Variants in CCSER1 observed in about 807,000 individuals in gnomAD.
The protein encoded by CCSER1 is coiled-coil serine rich protein 1, also known as serine-rich coiled-coil domain-containing protein 1.
CCSER1 carries 41 observed loss-of-function variants against 82.0 expected under a neutral mutation model. The observed-to-expected ratio is 0.50, with a 90% confidence interval of 0.39 to 0.65. CCSER1 has a LOEUF of 0.65. Ranked by LOEUF, CCSER1 falls within the 30% of genes least tolerant of loss-of-function variation. The pLI, the probability that CCSER1 is intolerant of heterozygous loss-of-function variation, is 0.00. For missense variants in CCSER1, 1,119 were observed against 1,064.2 expected (o/e 1.05, Z -0.72); for synonymous variants, 414 against 383.9 (o/e 1.08, Z -0.92).
At chr4:91,085,859 T>A (rs576892913) in intron 9 of CCSER1, 91 bp from the exon 10 acceptor site, 3 of 767,782 alleles carry the variant, frequency 3.9e-6, no homozygotes, top group African/African-American at 1.8e-5. Context: ...ATAAGTGAAT[T>A]ATTTCCTTTA....
At chr4:91,260,943 T>G (rs893427370) in intron 10 of CCSER1, among the ~76,000 whole-genome samples, 5 of 151,960 alleles carry the variant, frequency 3.3e-5, no homozygotes, top group Admixed American at 6.6e-5. Context: ...TTTTGTATTT[T>G]TAGTAGAGAC....
chr4:91,177,069 G>T (rs1268304110), intron 10 of CCSER1, among the ~76,000 whole-genome samples: 1 of 152,130 alleles, frequency 6.6e-6, no homozygotes, highest in Admixed American at 6.5e-5. Flanking sequence ...TGCATCTATT[G>T]AGATAATCAT....
intron 10 of CCSER1, among the ~76,000 whole-genome samples, chr4:91,287,121 T>G (rs549922678): frequency 3.2e-4 from 49 of 152,024 alleles, no homozygotes; most frequent in African/African-American, 1.2e-3. Flanking sequence ...AAAACATACC[T>G]ACCCTAATTT....
chr4:90,493,826 G>A (rs1768503295), intron 5 of CCSER1, among the ~76,000 whole-genome samples: 1 of 152,182 alleles, frequency 6.6e-6, no homozygotes, highest in African/African-American at 2.4e-5. Context: ...AAATTGTAAA[G>A]ACCATCAAGG....
chr4:90,325,276 A>G (rs907622321), intron 3 of CCSER1, among the ~76,000 whole-genome samples: 2 of 152,230 alleles, frequency 1.3e-5, no homozygotes, highest in African/African-American at 4.8e-5. Context: ...TGAAATATGT[A>G]TGTTAGAATA....
chr4:90,691,516 T>G (rs1024759474), intron 6 of CCSER1, among the ~76,000 whole-genome samples: 1 of 151,224 alleles, frequency 6.6e-6, no homozygotes, highest in Non-Finnish European at 1.5e-5. Flanking sequence ...ATATATTACA[T>G]GTGTACATAT....
At chr4:90,408,657 G>A (rs1318926903) in intron 4 of CCSER1, among the ~76,000 whole-genome samples, 2 of 152,110 alleles carry the variant, frequency 1.3e-5, no homozygotes, top group East Asian at 3.9e-4. Flanking sequence ...AAAGACCAAA[G>A]GTAGATAAAA....
At chr4:90,162,440 T>C (rs1478845567) in intron 1 of CCSER1, among the ~76,000 whole-genome samples, 2 of 152,096 alleles carry the variant, frequency 1.3e-5, no homozygotes, top group Non-Finnish European at 2.9e-5. Flanking sequence ...ACCAAATAAG[T>C]ATATAAAAAT....
intron 7 of CCSER1, among the ~76,000 whole-genome samples, chr4:90,772,211 CA>C (rs1561108671): frequency 6.6e-6 from 1 of 152,004 alleles, no homozygotes; most frequent in East Asian, 1.9e-4. Flanking sequence ...TATTGTTATT[CA>C]AAGATAATGT....
chr4:91,424,001 CTTTTT>C (rs1167472932), intron 10 of CCSER1, among the ~76,000 whole-genome samples: 5 of 77,472 alleles, frequency 6.5e-5, no homozygotes, highest in South Asian at 5.7e-4. Flanking sequence ...CTCAGCAGAT[CTTTTT>C]TTTTTTTTTT....
chr4:90,628,093 C>G lies in CCSER1; in HGVS notation c.1793C>G (p.Pro598Arg). 6.2e-7 allele frequency: 1 copy of G among 1,613,598 alleles called. No homozygotes were observed. Among genetic ancestry groups the G allele is most frequent in the Non-Finnish European group, 8.5e-7 (1 of 1,179,704 alleles). ...EARCSHISRM[P>R]NSPSADWPLQ... ...AGGTGTTCCCACATCAGCCGAATGCCCAACAGTCCATCTGCGGATTGGCCT... is the reference window on the plus strand; with the variant it reads ...AGGTGTTCCCACATCAGCCGAATGCGCAACAGTCCATCTGCGGATTGGCCT... Residue 598 changes from proline to arginine, a missense_variant, in exon 6 of 11, where the codon CCC becomes CGC. Physicochemically the swap from Pro to Arg is moderately radical, Grantham distance 103. Transcript: ENST00000509176.
chr4:90,836,666 G>C (rs1761843591), intron 8 of CCSER1, among the ~76,000 whole-genome samples: 1 of 152,188 alleles, frequency 6.6e-6, no homozygotes, highest in African/African-American at 2.4e-5. Context: ...TAGAGTGTGT[G>C]GGCCACAGAA....
chr4:90,251,306 T>C (rs61529592), intron 1 of CCSER1, among the ~76,000 whole-genome samples: 6,798 of 152,024 alleles, frequency 0.045, 392 homozygotes, highest in African/African-American at 0.13. Context: ...CTTATTTTTT[T>C]CTAATTTTAG....
intron 6 of CCSER1, among the ~76,000 whole-genome samples, chr4:90,661,404 A>G (rs1257895631): frequency 6.6e-6 from 1 of 152,148 alleles, no homozygotes; most frequent in Non-Finnish European, 1.5e-5. Flanking sequence ...CTGAAACTCC[A>G]AGGGAGAATT....
chr4:90,988,354 A>G (rs868843775), intron 9 of CCSER1, among the ~76,000 whole-genome samples: 1,494 of 137,514 alleles, frequency 0.011, 15 homozygotes, highest in Middle Eastern at 0.039. Context: ...AAAAAAAAAA[A>G]AAAAAAAAAG....
chr4:90,771,599 A>G (rs1042594209), intron 7 of CCSER1, among the ~76,000 whole-genome samples: 1 of 151,042 alleles, frequency 6.6e-6, no homozygotes, highest in Admixed American at 6.6e-5. Flanking sequence ...AAAAAAATGC[A>G]TATTTTTGTA....
rs1487999148 is a variant in CCSER1 at position 90,748,401 on chromosome 4, G to A, written c.2010+24410G>A. On this transcript the variant is annotated intron_variant, in intron 7 of 10. Transcript: ENST00000509176. The stretch of plus-strand genomic sequence containing the variant: ...TTATGGCTGCATAGTATTCCATGGC[G>A]TATATGTGCCACATTTTCTTAATCC... Among the ~76,000 whole-genome samples, 191 of 150,812 alleles carry A rather than the reference G, an allele frequency of 1.3e-3. 1 individual carries two copies. Among genetic ancestry groups the A allele is most frequent in the Admixed American group, 5.3e-4 (8 of 15,152 alleles).
intron 10 of CCSER1, among the ~76,000 whole-genome samples, chr4:91,455,723 A>C (rs1254326685): frequency 6.6e-6 from 1 of 152,088 alleles, no homozygotes; most frequent in African/African-American, 2.4e-5. Flanking sequence ...TCCCAGCACT[A>C]TGCCTGAAAT....
At chr4:91,476,822 A>G (rs377232762) in intron 10 of CCSER1, among the ~76,000 whole-genome samples, 1 of 151,720 alleles carries the variant, frequency 6.6e-6, no homozygotes, top group Non-Finnish European at 1.5e-5. Context: ...AGAAAGGACA[A>G]TCTCTTCAAT....
Sources: allele counts gnomAD v4.1 joint callset (sites outside exome capture counted in the v4.1 genomes callset), GRCh38; gene constraint gnomAD v4.1.1; transcripts MANE v1.5; gene names NCBI Gene and HGNC (gene_info 2026-07-23, HGNC 2026-07-21).